The following PODXL variants were observed in gnomAD, a reference collection of about 807,000 sequenced individuals.
The protein encoded by PODXL is podocalyxin.
PODXL carries 20 observed loss-of-function variants against 48.9 expected under a neutral mutation model. That is an observed-to-expected ratio of 0.41 (90% CI 0.29 to 0.59). The LOEUF is 0.59. PODXL is among the 20% of genes least tolerant of loss of function. The pLI is 0.31. For missense variants in PODXL, 606 were observed against 675.1 expected (o/e 0.90, Z 1.13); for synonymous variants, 295 against 287.4 (o/e 1.03, Z -0.27).
chr7:131,528,892 A>T (rs1338546162), intron 1 of PODXL, among the ~76,000 whole-genome samples: 1 of 152,170 alleles, frequency 6.6e-6, no homozygotes. Context: ...CTGACAGGCA[A>T]TGAGGAAGGT....
rs1250145423 is a variant in PODXL at position 131,506,732 on chromosome 7, G to A, written c.1102-6C>T. On this transcript the variant is annotated splice_polypyrimidine_tract_variant and splice_region_variant and intron_variant, in intron 5 of 8. Transcript: ENST00000378555. The stretch of plus-strand genomic sequence containing the variant: ...TCATCCGAAGCGCCCCCTGCCTATG[G>A]TGGGGAGAGCGCAGGTGACTCCGCG... 1 of 1,614,108 alleles carries A rather than the reference G, an allele frequency of 6.2e-7. No homozygotes were observed. Among genetic ancestry groups the A allele is most frequent in the Admixed American group, 1.7e-5 (1 of 60,022 alleles).
chr7:131,510,073 C>T (rs543914345), intron 3 of PODXL, among the ~76,000 whole-genome samples, 163 bp downstream of exon 3: 10 of 152,288 alleles, frequency 6.6e-5, no homozygotes, highest in African/African-American at 9.6e-5. Flanking sequence ...TCACCAGGAG[C>T]GCTCAGAAAC....
chr7:131,508,282 C>T (rs965435825), intron 5 of PODXL, among the ~76,000 whole-genome samples: 2 of 152,170 alleles, frequency 1.3e-5, no homozygotes, highest in Admixed American at 6.5e-5. Context: ...TCTCTCCCAC[C>T]CATCCCATCA....
intron 1 of PODXL, among the ~76,000 whole-genome samples, chr7:131,520,896 G>C (rs1194772757): frequency 6.6e-6 from 1 of 152,236 alleles, no homozygotes. Flanking sequence ...GGCTGGGCAT[G>C]GTGGCTCACG....
intron 5 of PODXL, among the ~76,000 whole-genome samples, chr7:131,507,405 T>C (rs1797827607): frequency 6.6e-6 from 1 of 152,176 alleles, no homozygotes; most frequent in Non-Finnish European, 1.5e-5. Flanking sequence ...TGACGTGGCT[T>C]TAGAGCTGAG....
Position 131,511,188 on chromosome 7 carries a change from G to A in PODXL, c.346C>T (p.Pro116Ser). The A allele has an allele frequency of 1.2e-6, 2 of 1,614,034 alleles. No homozygotes were observed. Among genetic ancestry groups the A allele is most frequent in the South Asian group, 1.1e-5 (1 of 91,054 alleles). Residue 116 changes from proline to serine, a missense_variant, in exon 2 of 9, where the codon CCT becomes TCT. Coordinates refer to ENST00000378555, the MANE Select transcript of PODXL (RefSeq NM_001018111.3). ...TTGGGGCTCTCGATGGTGGTAGTAG[G>A]GTTGCCTGAGCCGCCTCCTCTAGCC... ...TVARGGGSGN[P>S]TTTIESPKST...
intron 1 of PODXL, 80 bp downstream of exon 1, chr7:131,556,180 C>T (rs1798739485): frequency 7.4e-7 from 1 of 1,353,972 alleles, no homozygotes; most frequent in Non-Finnish European, 9.5e-7. Flanking sequence ...CGCGGCGCGC[C>T]GGGCTTCCCT....
chr7:131,533,818 C>T (rs953313389), intron 1 of PODXL, among the ~76,000 whole-genome samples: 1 of 152,312 alleles, frequency 6.6e-6, no homozygotes, highest in South Asian at 2.1e-4. Context: ...GCCCGACACC[C>T]GGCTTCCAGT....
chr7:131,530,786 G>A (rs1194553611), intron 1 of PODXL, among the ~76,000 whole-genome samples: 1 of 149,898 alleles, frequency 6.7e-6, no homozygotes, highest in African/African-American at 2.5e-5. Flanking sequence ...AAGGCCAGGT[G>A]TGGTGGCTCC....
At position 131,510,323 on chromosome 7, in the gene PODXL, C is replaced by G; in HGVS notation, c.715G>C (p.Val239Leu). 1 of 192,264 alleles carries G rather than the reference C, an allele frequency of 5.2e-6. No individual in the cohort carries two copies. Among genetic ancestry groups the G allele is most frequent in the Non-Finnish European group, 9.6e-6 (1 of 104,056 alleles). 11.9% of individuals were successfully genotyped at this position (192,264 alleles called of 1,614,324 possible). Residue 239 changes from valine to leucine, a missense_variant, in exon 3 of 9, where the codon GTG becomes CTG. Coordinates refer to ENST00000378555, the MANE Select transcript of PODXL (RefSeq NM_001018111.3). ...CCAGCCTGGCTGACATGGTGAAACA[C>G]TGTCTCTACTTGAAAAAAAAAAAAA... is the stretch of plus-strand genomic sequence containing the variant. ...PGMTTTLLET[V>L]FHHVSQAGLE...
intron 1 of PODXL, among the ~76,000 whole-genome samples, chr7:131,523,178 T>A (rs920608166): frequency 6.6e-6 from 1 of 152,202 alleles, no homozygotes; most frequent in African/African-American, 2.4e-5. Flanking sequence ...TTTTTCCAGA[T>A]CCTTGCCAAC....
chr7:131,556,270 G>GGGCGACGGCGAC lies in PODXL; in HGVS notation c.78_89dup (p.Pro28_Ser31dup), dbSNP rs11277659. ...AGGCCGGCCACTCACCATTCTGGGA[G>GGGCGACGGCGAC]GGCGACGGCGACGGCGACGGCGACG... On this transcript the variant is annotated inframe_insertion, in exon 1 of 9. Coordinates refer to ENST00000378555, the MANE Select transcript of PODXL (RefSeq NM_001018111.3). 1.9e-4 allele frequency: 285 copies of GGGCGACGGCGAC among 1,462,738 alleles called. No homozygotes were observed. The highest frequency in any genetic ancestry group is 6.5e-4 in the South Asian group (48 of 74,106). The allele number at this position is 1,462,738 out of a possible 1,614,324, so 90.6% of individuals were successfully genotyped here.
At position 131,512,353 on chromosome 7, in the gene PODXL, G is replaced by A. The variant is rs547865757; in HGVS notation, c.101-920C>T. 4.6e-5 allele frequency among the ~76,000 whole-genome samples: 7 copies of A among 152,242 alleles called. No individual in the cohort carries two copies. In the South Asian group the frequency reaches 1.5e-3, roughly 32 times the overall value. ...CAGCCGTCAAATCTGCTTACTACACGGAGGAAGTGAGGAAGGAAATGATGC... is the reference window on the plus strand; with the variant it reads ...CAGCCGTCAAATCTGCTTACTACACAGAGGAAGTGAGGAAGGAAATGATGC... On this transcript the variant is annotated intron_variant, in intron 1 of 8. Transcript: ENST00000378555.
chr7:131,504,570 G>T, intron 8 of PODXL, 62 bp from the exon 9 acceptor site: 3 of 1,372,462 alleles, frequency 2.2e-6, no homozygotes, highest in East Asian at 2.3e-5. Flanking sequence ...TTAATACAGC[G>T]CATGTACGTA....
intron 1 of PODXL, among the ~76,000 whole-genome samples, chr7:131,538,724 C>T (rs1798424679): frequency 6.6e-6 from 1 of 152,130 alleles, no homozygotes; most frequent in Non-Finnish European, 1.5e-5. Context: ...CTGCTCCCCA[C>T]TCCCCATCCT....
At chr7:131,532,509 C>CT (rs377560182) in intron 1 of PODXL, among the ~76,000 whole-genome samples, 1,803 of 48,844 alleles carry the variant, frequency 0.037, 15 homozygotes, top group Admixed American at 0.079. Flanking sequence ...ACTTGTATAT[C>CT]TTTTTTTTGG....
intron 1 of PODXL, among the ~76,000 whole-genome samples, chr7:131,534,069 G>C (rs536402890): frequency 2.1e-5 from 3 of 141,040 alleles, no homozygotes; most frequent in Admixed American, 1.4e-4. Context: ...CCCCTTACCC[G>C]TTAGAGCCGC....
At chr7:131,546,906 A>T (rs995129983) in intron 1 of PODXL, among the ~76,000 whole-genome samples, 1 of 152,116 alleles carries the variant, frequency 6.6e-6, no homozygotes, top group African/African-American at 2.4e-5. Flanking sequence ...TGCGGTCTCC[A>T]ACTAACCCTG....
intron 1 of PODXL, among the ~76,000 whole-genome samples, chr7:131,550,274 C>G (rs1292734414): frequency 6.6e-6 from 1 of 152,190 alleles, no homozygotes; most frequent in African/African-American, 2.4e-5. Context: ...AGCAACATGG[C>G]CCCAAGCCTC....
Sources: allele counts gnomAD v4.1 joint callset (sites outside exome capture counted in the v4.1 genomes callset), GRCh38; gene constraint gnomAD v4.1.1; transcripts MANE v1.5; gene names NCBI Gene and HGNC (gene_info 2026-07-23, HGNC 2026-07-21).